GABRG3: variants seen among roughly 807,000 people sequenced by gnomAD.
GABRG3 encodes the protein gamma-aminobutyric acid receptor subunit gamma-3.
A neutral mutation model predicts 48.8 loss-of-function variants in GABRG3; 25 were observed. The observed-to-expected ratio is 0.51, with a 90% confidence interval of 0.37 to 0.72. GABRG3 has a LOEUF of 0.72. Ranked by LOEUF, GABRG3 falls within the 30% of genes least tolerant of loss-of-function variation. The probability of loss-of-function intolerance (pLI) is 0.00; values close to 1 mark genes in which losing one functional copy is unlikely to be tolerated. For synonymous variants in GABRG3, 227 were observed against 217.6 expected (o/e 1.04, Z -0.38); for missense variants, 394 against 577.9 (o/e 0.68, Z 3.26).
At chr15:27,143,964 G>T (rs1000281285) in intron 3 of GABRG3, among the ~76,000 whole-genome samples, 2 of 152,050 alleles carry the variant, frequency 1.3e-5, no homozygotes, top group African/African-American at 4.8e-5. Flanking sequence ...GCAATATTTT[G>T]TTACTTTTTG....
intron 3 of GABRG3, among the ~76,000 whole-genome samples, chr15:27,323,765 C>G (rs943731307): frequency 1.3e-5 from 2 of 152,182 alleles, no homozygotes; most frequent in African/African-American, 4.8e-5. Flanking sequence ...CTGCACACCC[C>G]AGAACCCTTT....
At chr15:27,467,556 G>A (rs1014630477) in intron 5 of GABRG3, among the ~76,000 whole-genome samples, 1 of 152,220 alleles carries the variant, frequency 6.6e-6, no homozygotes, top group African/African-American at 2.4e-5. Flanking sequence ...AAGATTGCAG[G>A]TACTGCTGTT....
intron 5 of GABRG3, among the ~76,000 whole-genome samples, chr15:27,414,144 G>T (rs1352972935): frequency 1.3e-5 from 2 of 152,164 alleles, no homozygotes; most frequent in Non-Finnish European, 1.5e-5. Context: ...AAAGTTTATG[G>T]AATAAGTATG....
At chr15:27,307,698 T>C (rs1892681365) in intron 3 of GABRG3, among the ~76,000 whole-genome samples, 1 of 133,534 alleles carries the variant, frequency 7.5e-6, no homozygotes, top group Non-Finnish European at 1.6e-5. Flanking sequence ...TGTTTATATA[T>C]TTATATATAA....
At chr15:27,243,474 A>T (rs185292017) in intron 3 of GABRG3, among the ~76,000 whole-genome samples, 25 of 152,178 alleles carry the variant, frequency 1.6e-4, no homozygotes, top group African/African-American at 6.0e-4. Flanking sequence ...GGGACGCTGG[A>T]GGCAAACGGA....
At chr15:27,153,216 A>T (rs1193923832) in intron 3 of GABRG3, among the ~76,000 whole-genome samples, 1 of 152,190 alleles carries the variant, frequency 6.6e-6, no homozygotes, top group African/African-American at 2.4e-5. Context: ...ATTTTTGCTT[A>T]TGAATATCTC....
chr15:27,187,729 T>G (rs1322938382), intron 3 of GABRG3, among the ~76,000 whole-genome samples: 2 of 152,116 alleles, frequency 1.3e-5, no homozygotes, highest in Admixed American at 1.3e-4. Context: ...TTTTTTTATT[T>G]TATTTTATTA....
At chr15:27,153,418 C>A (rs1382918635) in intron 3 of GABRG3, among the ~76,000 whole-genome samples, 4 of 152,140 alleles carry the variant, frequency 2.6e-5, no homozygotes, top group Admixed American at 1.3e-4. Context: ...GCTGTAATAT[C>A]TGGTAGAGTG....
Position 27,307,772 on chromosome 15 carries a change from A to ATAAAATAAACC in GABRG3, c.271-19036_271-19035insAAAATAAACCT, listed in dbSNP as rs1226202535. Among the ~76,000 whole-genome samples, 330 of 113,412 alleles carry ATAAAATAAACC rather than the reference A, an allele frequency of 2.9e-3. 7 individuals are homozygous for ATAAAATAAACC. In the East Asian group the frequency reaches 0.034, roughly 12 times the overall value. 74.4% of individuals were successfully genotyped at this position (113,412 alleles called of 152,430 possible). A position where few individuals can be genotyped will look rare whatever the true frequency, so the allele number is the denominator to read the frequency against. On this transcript the variant is annotated intron_variant, in intron 3 of 9. Transcript: ENST00000615808. ...ATATATAAACATATAAAATAAACAT[A>ATAAAATAAACC]TGTTTATATATAAACATATATATAA...
intron 3 of GABRG3, among the ~76,000 whole-genome samples, chr15:27,031,882 G>A (rs1896093086): frequency 1.3e-5 from 2 of 152,152 alleles, no homozygotes; most frequent in Admixed American, 6.5e-5. Flanking sequence ...GCACCGTGGT[G>A]CTCCTGACCT....
chr15:27,037,804 C>A (rs937472638), intron 3 of GABRG3, among the ~76,000 whole-genome samples: 1 of 152,280 alleles, frequency 6.6e-6, no homozygotes, highest in African/African-American at 2.4e-5. Flanking sequence ...GAAGTGATTT[C>A]CTTGAAATGA....
intron 8 of GABRG3, 87 bp from the exon 9 acceptor site, chr15:27,527,846 T>A: frequency 8.5e-7 from 1 of 1,169,964 alleles, no homozygotes; most frequent in Non-Finnish European, 1.2e-6. Context: ...CTTGGTTTAG[T>A]CATACCCTAA....
intron 3 of GABRG3, among the ~76,000 whole-genome samples, chr15:27,137,215 A>ATAGT (rs1898024770): frequency 6.6e-6 from 1 of 152,078 alleles, no homozygotes; most frequent in African/African-American, 2.4e-5. Flanking sequence ...GTCTTTGAGT[A>ATAGT]CTCCTCCATA....
At chr15:27,393,839 C>A (rs919802430) in intron 5 of GABRG3, among the ~76,000 whole-genome samples, 11 of 152,138 alleles carry the variant, frequency 7.2e-5, no homozygotes, top group Non-Finnish European at 1.2e-4. Context: ...CCGCTGATAC[C>A]TTGATTTCAG....
intron 5 of GABRG3, among the ~76,000 whole-genome samples, chr15:27,359,125 T>G (rs1894940219): frequency 1.3e-5 from 2 of 152,076 alleles, no homozygotes; most frequent in Non-Finnish European, 2.9e-5. Context: ...TATCCAGGTT[T>G]GGGAGGCCAC....
At chr15:27,310,247 G>A (rs984438649) in intron 3 of GABRG3, among the ~76,000 whole-genome samples, 1 of 152,052 alleles carries the variant, frequency 6.6e-6, no homozygotes, top group African/African-American at 2.4e-5. Context: ...GAACTATTGT[G>A]TGTCCTGATT....
In GABRG3 at chr15:27,282,973, C is replaced by T. The variant is rs540303029; in HGVS notation, c.271-43836C>T. ...TCAGGCTACCCTTGGCTCCCTCTGACACCTGAGAAAGTCCTGCTATTCTCA... is the reference window on the plus strand; with the variant it reads ...TCAGGCTACCCTTGGCTCCCTCTGATACCTGAGAAAGTCCTGCTATTCTCA... On this transcript the variant is annotated intron_variant, in intron 3 of 9. Transcript: ENST00000615808. Among the ~76,000 whole-genome samples the T allele has an allele frequency of 3.3e-5, 5 of 152,290 alleles. No individual in the cohort carries two copies. The South Asian group carries it at 1.0e-3, about 32-fold the overall frequency.
At chr15:27,307,897 TATAA>T (rs1892723408) in intron 3 of GABRG3, among the ~76,000 whole-genome samples, 1 of 133,384 alleles carries the variant, frequency 7.5e-6, no homozygotes, top group Non-Finnish European at 1.5e-5. Context: ...ATAAAATATA[TATAA>T]AATAAACATG....
intron 3 of GABRG3, among the ~76,000 whole-genome samples, chr15:27,126,045 C>T (rs935186165): frequency 6.6e-5 from 10 of 152,180 alleles, no homozygotes; most frequent in Admixed American, 4.6e-4. Context: ...CAGATCACAG[C>T]GCAATTAAAT....
Sources: gnomAD v4.1 joint callset for allele counts (sites outside exome capture counted in the v4.1 genomes callset) on GRCh38, gnomAD v4.1.1 for gene constraint, MANE v1.5 for transcripts, NCBI Gene and HGNC (gene_info 2026-07-23, HGNC 2026-07-21) for gene names.